FGD4: variants seen among roughly 807,000 people sequenced by gnomAD.
FGD4 encodes FYVE, RhoGEF and PH domain containing 4.
Under a neutral mutation model 102.0 loss-of-function variants are expected in FGD4, and 42 were observed. The ratio of observed to expected loss-of-function variants is 0.41; its 90% confidence interval spans 0.32 to 0.53. The LOEUF is 0.53. Ranked by LOEUF, FGD4 falls within the 20% of genes least tolerant of loss-of-function variation. FGD4 has a pLI of 0.21. For missense variants in FGD4, 902 were observed against 1,078.2 expected (o/e 0.84, Z 2.29); for synonymous variants, 380 against 375.7 (o/e 1.01, Z -0.13).
intron 1 of FGD4, among the ~76,000 whole-genome samples, chr12:32,513,676 G>A (rs1192563987): frequency 6.6e-6 from 1 of 152,188 alleles, no homozygotes; most frequent in Non-Finnish European, 1.5e-5. Flanking sequence ...CCAGGACTTA[G>A]TGATTAATTG....
chr12:32,640,458 G>C lies in FGD4; in HGVS notation c.2637G>C (p.Glu879Asp). 1 of 1,614,156 alleles carries C rather than the reference G, an allele frequency of 6.2e-7. No homozygotes were observed. The highest frequency in any genetic ancestry group is 8.5e-7 in the Non-Finnish European group (1 of 1,180,036). ...TCATCCTTTTAGCTGTCACAGGTGA[G>C]ACACCAGGTGGTCCAAATGAGCATC... ...LKVILLAVTG[E>D]TPGGPNEHPA... Residue 879 changes from glutamate to aspartate, a missense_variant, in exon 17 of 17, where the codon GAG becomes GAC. Around this residue, in one of 2 missense-constraint regions of FGD4, gnomAD observed 459 missense variants for 619.0 expected, o/e 0.74. Coordinates refer to ENST00000534526, the MANE Select transcript of FGD4 (RefSeq NM_001370298.3).
chr12:32,414,764 T>G (rs1941339318), intron 1 of FGD4, among the ~76,000 whole-genome samples: 1 of 152,212 alleles, frequency 6.6e-6, no homozygotes, highest in Non-Finnish European at 1.5e-5. Flanking sequence ...TTATTGATAT[T>G]TTGTATTTTA....
intron 8 of FGD4, 118 bp downstream of exon 8, chr12:32,608,213 G>A: frequency 7.2e-7 from 1 of 1,392,252 alleles, no homozygotes; most frequent in Non-Finnish European, 1.0e-6. Context: ...GCTGTTAGAA[G>A]ATAATTTCAT....
intron 1 of FGD4, among the ~76,000 whole-genome samples, chr12:32,524,056 G>C (rs759527177): frequency 3.3e-5 from 5 of 151,802 alleles, no homozygotes; most frequent in Non-Finnish European, 7.4e-5. Context: ...GAAATTAATA[G>C]TAAAGATAAT....
intron 1 of FGD4, among the ~76,000 whole-genome samples, chr12:32,504,369 A>G (rs1297442139): frequency 3.3e-5 from 5 of 152,184 alleles, no homozygotes; most frequent in African/African-American, 7.2e-5. Context: ...TGTCCTGCAC[A>G]TGAAGGACCT....
At position 32,642,424 on chromosome 12, in the gene FGD4, G is replaced by A. The variant is rs1200070660; in HGVS notation, c.*1891G>A. On this transcript the variant is annotated 3_prime_UTR_variant, in exon 17 of 17. Transcript: ENST00000534526. ...TGGAAATACAGAATGATTAACTGGG[G>A]AAGAGGACTTTTGTAAGTGTGACTA... 6.6e-6 allele frequency: 1 copy of A among 152,080 alleles called. No homozygotes were observed. Among genetic ancestry groups the A allele is most frequent in the Admixed American group, 6.5e-5 (1 of 15,268 alleles). 9.4% of individuals were successfully genotyped at this position (152,080 alleles called of 1,614,324 possible).
At chr12:32,522,273 C>A (rs544799115) in intron 1 of FGD4, among the ~76,000 whole-genome samples, 4 of 151,988 alleles carry the variant, frequency 2.6e-5, no homozygotes, top group African/African-American at 9.7e-5. Context: ...GGGGTGGATA[C>A]GTAGAGTGGA....
At chr12:32,594,174 G>A (rs1034635172) in intron 4 of FGD4, among the ~76,000 whole-genome samples, 1 of 152,122 alleles carries the variant, frequency 6.6e-6, no homozygotes, top group Non-Finnish European at 1.5e-5. Flanking sequence ...TTGAGTGGTG[G>A]GGCAGGCGAG....
chr12:32,441,816 T>G (rs544404110), intron 1 of FGD4, among the ~76,000 whole-genome samples: 1 of 152,220 alleles, frequency 6.6e-6, no homozygotes, highest in East Asian at 1.9e-4. Context: ...TTGTGGGCAC[T>G]GGGATTGGCG....
chr12:32,425,588 G>GT (rs1353121245), intron 1 of FGD4, among the ~76,000 whole-genome samples: 2 of 152,278 alleles, frequency 1.3e-5, no homozygotes, highest in African/African-American at 4.8e-5. Flanking sequence ...ATTTAAAGTA[G>GT]TTTTTTCTAA....
intron 1 of FGD4, among the ~76,000 whole-genome samples, chr12:32,552,041 C>CT (rs1047623219): frequency 3.3e-5 from 5 of 152,134 alleles, no homozygotes; most frequent in African/African-American, 1.2e-4. Context: ...GGGTGTTAAG[C>CT]TGAATTGGAA....
rs978521499 is a variant in FGD4 at position 32,641,420 on chromosome 12, C to A, written c.*887C>A. On this transcript the variant is annotated 3_prime_UTR_variant, in exon 17 of 17. Transcript: ENST00000534526. Reference sequence around the variant, plus strand: ...TCTGTGCCTATTTAAAACAGTGCCTCTCTTAGAAGGTGCTATTAATATAAG... The same window carrying A: ...TCTGTGCCTATTTAAAACAGTGCCTATCTTAGAAGGTGCTATTAATATAAG... The A allele has an allele frequency of 6.6e-6, 1 of 152,128 alleles. No individual in the cohort carries two copies. The highest frequency in any genetic ancestry group is 2.1e-4 in the South Asian group (1 of 4,830). 9.4% of individuals were successfully genotyped at this position (152,128 alleles called of 1,614,324 possible). A position where few individuals can be genotyped will look rare whatever the true frequency, so the allele number is the denominator to read the frequency against.
intron 1 of FGD4, among the ~76,000 whole-genome samples, chr12:32,447,914 A>G (rs1355675385): frequency 6.6e-6 from 1 of 151,954 alleles, no homozygotes; most frequent in Non-Finnish European, 1.5e-5. Context: ...AAGTACACCT[A>G]TTTTTTCTGT....
At position 32,579,761 on chromosome 12, in the gene FGD4, T is replaced by A. The variant is rs375518507; in HGVS notation, c.504-2199T>A. 10 of 152,370 alleles carry A rather than the reference T, an allele frequency of 6.6e-5. 1 individual carries two copies. The highest frequency in any genetic ancestry group is 1.3e-4 in the Admixed American group (2 of 15,314). The allele number at this position is 152,370 out of a possible 1,614,324, so 9.4% of individuals were successfully genotyped here. ...CAACTGAAGAGTGTGTAACATTTAT[T>A]TGTATTGCCCACCTCCAATTTTTAT... On this transcript the variant is annotated intron_variant, in intron 3 of 16. Coordinates refer to ENST00000534526, the MANE Select transcript of FGD4 (RefSeq NM_001370298.3).
chr12:32,528,809 A>ATTGTAT (rs1941515385), intron 1 of FGD4, among the ~76,000 whole-genome samples: 1 of 152,134 alleles, frequency 6.6e-6, no homozygotes, highest in Non-Finnish European at 1.5e-5. Flanking sequence ...TTTATTTGAA[A>ATTGTAT]TTGTATTTGA....
At chr12:32,571,070 T>A (rs536587947) in intron 2 of FGD4, among the ~76,000 whole-genome samples, 1 of 152,366 alleles carries the variant, frequency 6.6e-6, no homozygotes, top group African/African-American at 2.4e-5. Flanking sequence ...GTCATTTACT[T>A]CTCAAAGTAG....
intron 1 of FGD4, among the ~76,000 whole-genome samples, chr12:32,563,735 C>T (rs1944913799): frequency 6.6e-6 from 1 of 152,194 alleles, no homozygotes; most frequent in East Asian, 1.9e-4. Flanking sequence ...GAACCAGACT[C>T]CATCTGCAAT....
chr12:32,536,083 GTT>G (rs577504306), intron 1 of FGD4, among the ~76,000 whole-genome samples: 2 of 145,660 alleles, frequency 1.4e-5, no homozygotes, highest in African/African-American at 2.5e-5. Flanking sequence ...TTTTATAACA[GTT>G]TTTTTTTTTT....
intron 1 of FGD4, 23 bp downstream of exon 1, chr12:32,399,982 G>T (rs965790621): frequency 6.9e-7 from 1 of 1,440,810 alleles, no homozygotes. Context: ...GGGCGCGGGG[G>T]AAGGGTGGCC....
Sources: allele counts gnomAD v4.1 joint callset (sites outside exome capture counted in the v4.1 genomes callset), GRCh38; gene constraint gnomAD v4.1.1; regional missense constraint gnomAD v4.1.1; transcripts MANE v1.5; gene names NCBI Gene and HGNC (gene_info 2026-07-23, HGNC 2026-07-21).